Variants in PCDHGB1 observed in about 807,000 individuals in gnomAD.
PCDHGB1 encodes the protein protocadherin gamma subfamily B, 1, also known as protocadherin gamma-B1.
In PCDHGB1, 34 loss-of-function variants were observed where a neutral mutation model predicts 56.6. The ratio of observed to expected loss-of-function variants is 0.60; its 90% CI spans 0.46 to 0.80. The LOEUF (loss-of-function observed/expected upper bound fraction) is 0.80. Ranked by LOEUF, PCDHGB1 falls within the 30% of genes least tolerant of loss-of-function variation. The pLI, the probability that PCDHGB1 is intolerant of heterozygous loss-of-function variation, is 0.00. For missense variants in PCDHGB1, 1,278 were observed against 1,204.6 expected (o/e 1.06, Z -0.90); for synonymous variants, 561 against 505.9 (o/e 1.11, Z -1.46).
At chr5:141,375,010 T>G in intron 1 of PCDHGB1, 2 of 1,614,050 alleles carry the variant, frequency 1.2e-6, no homozygotes, top group Non-Finnish European at 1.7e-6. Flanking sequence ...ATCTAGACTA[T>G]GAGGACTCGA....
intron 1 of PCDHGB1, chr5:141,414,150 A>C (rs750190499): frequency 6.2e-7 from 1 of 1,600,176 alleles, no homozygotes; most frequent in African/African-American, 1.3e-5. Context: ...AAATACAAGC[A>C]GAAGATGGAG....
intron 2 of PCDHGB1, among the ~76,000 whole-genome samples, chr5:141,496,008 C>CT (rs1468405718): frequency 2.0e-5 from 3 of 151,956 alleles, no homozygotes; most frequent in Non-Finnish European, 4.4e-5. Flanking sequence ...TTTATCTTGT[C>CT]TTTTTTCTCT....
At chr5:141,357,187 G>A in intron 1 of PCDHGB1, 4 of 1,613,774 alleles carry the variant, frequency 2.5e-6, no homozygotes, top group Non-Finnish European at 3.4e-6. Context: ...ACTCACTGTG[G>A]CTGTGGCCGA....
At chr5:141,494,954 G>A in intron 2 of PCDHGB1, 89 bp downstream of exon 2, 2 of 1,601,116 alleles carry the variant, frequency 1.2e-6, no homozygotes. Context: ...CCCAGCATTT[G>A]CTACAGATGG....
At chr5:141,362,972 A>G (rs1422229452) in intron 1 of PCDHGB1, among the ~76,000 whole-genome samples, 1 of 152,258 alleles carries the variant, frequency 6.6e-6, no homozygotes, top group African/African-American at 2.4e-5. Flanking sequence ...CAAAGAAGAA[A>G]GACTTTTGCA....
At chr5:141,403,589 A>ACGGCCT in intron 1 of PCDHGB1, 2 of 1,613,812 alleles carry the variant, frequency 1.2e-6, no homozygotes, top group Non-Finnish European at 1.7e-6. Context: ...CCTGGTCCTC[A>ACGGCCT]CGGCCTCGGA....
At position 141,400,246 on chromosome 5, in the gene PCDHGB1, G is replaced by A. The variant is rs373890751; in HGVS notation, c.2409+47577G>A. On this transcript the variant is annotated intron_variant, in intron 1 of 3. Transcript: ENST00000523390. Reference sequence around the variant, plus strand: ...CTTCCTCCTGGCCGTGATTCTGGCCGTTGCCTTGCGCCTGCGACGCTCCTC... The same window carrying A: ...CTTCCTCCTGGCCGTGATTCTGGCCATTGCCTTGCGCCTGCGACGCTCCTC... 5.0e-5 allele frequency: 81 copies of A among 1,613,984 alleles called. No homozygotes were observed. The African/African-American group carries it at 6.0e-4, about 12-fold the overall frequency.
In PCDHGB1 at chr5:141,404,421, C is replaced by G. The variant is rs199749783; in HGVS notation, c.2409+51752C>G. On this transcript the variant is annotated intron_variant, in intron 1 of 3. Coordinates refer to ENST00000523390, the MANE Select transcript of PCDHGB1 (RefSeq NM_018922.3). ...AATGAGAATTCTAGAGTTATTTACT[C>G]CTTGGCAGAGGATACCATCCAAGGG... 462 of 1,613,692 alleles carry G rather than the reference C, an allele frequency of 2.9e-4. 1 individual carries two copies. The African/African-American group carries it at 5.5e-3, about 19-fold the overall frequency.
chr5:141,408,670 T>G, intron 1 of PCDHGB1: 1 of 1,614,008 alleles, frequency 6.2e-7, no homozygotes, highest in Non-Finnish European at 8.5e-7. Context: ...CGCTTGACCC[T>G]GCCACGGATC....
intron 1 of PCDHGB1, chr5:141,420,309 A>G (rs1263620304): frequency 2.7e-6 from 4 of 1,460,536 alleles, no homozygotes; most frequent in Non-Finnish European, 3.7e-6. Context: ...TCCTTTTTAT[A>G]TTACAATATG....
intron 1 of PCDHGB1, among the ~76,000 whole-genome samples, chr5:141,359,372 T>C (rs1761190910): frequency 6.6e-6 from 1 of 152,032 alleles, no homozygotes; most frequent in African/African-American, 2.4e-5. Flanking sequence ...AGGAAAGCAG[T>C]AGATAATTTA....
chr5:141,428,479 T>A (rs577865239), intron 1 of PCDHGB1: 1 of 328,682 alleles, frequency 3.0e-6, no homozygotes, highest in African/African-American at 2.1e-5. Flanking sequence ...TTTGCTTTAT[T>A]CCTGCAATCT....
intron 1 of PCDHGB1, chr5:141,357,628 C>A (rs1335077514): frequency 2.5e-6 from 4 of 1,613,256 alleles, no homozygotes; most frequent in Non-Finnish European, 2.5e-6. Context: ...TCAGGTGAGT[C>A]AATCTTATAA....
intron 1 of PCDHGB1, chr5:141,471,553 TG>T (rs1217142933): frequency 6.6e-6 from 1 of 152,224 alleles, no homozygotes; most frequent in African/African-American, 2.4e-5. Flanking sequence ...AAGGTTGCTT[TG>T]ACTCAGGGGT....
chr5:141,397,372 G>A (rs1014875277), intron 1 of PCDHGB1, among the ~76,000 whole-genome samples: 3 of 152,012 alleles, frequency 2.0e-5, no homozygotes, highest in Admixed American at 6.6e-5. Context: ...AGATGTTTGG[G>A]GATTGGTATA....
Position 141,373,957 on chromosome 5 carries a change from C to A in PCDHGB1, c.2409+21288C>A, listed in dbSNP as rs114705983. ...CAGGAAAGCTGTGCAGAAATTCTGA[C>A]CTGAAACGCTTCGCATCCGGTCTCT... On this transcript the variant is annotated intron_variant, in intron 1 of 3. Coordinates refer to ENST00000523390, the MANE Select transcript of PCDHGB1 (RefSeq NM_018922.3). 3.8e-3 allele frequency: 3,425 copies of A among 890,772 alleles called. 11 individuals carry two copies. Among genetic ancestry groups the A allele is most frequent in the Non-Finnish European group, 4.4e-3 (2,783 of 626,468 alleles). The allele number at this position is 890,772 out of a possible 1,614,324, so 55.2% of individuals were successfully genotyped here.
intron 1 of PCDHGB1, among the ~76,000 whole-genome samples, chr5:141,354,134 A>G (rs1033853247): frequency 1.3e-5 from 2 of 152,252 alleles, no homozygotes; most frequent in Non-Finnish European, 2.9e-5. Flanking sequence ...AAATTGTAAA[A>G]TAATACTGAA....
rs1386737349 is a variant in PCDHGB1 at position 141,486,423 on chromosome 5, C to T, written c.2410-8384C>T. The T allele has an allele frequency of 6.2e-7, 1 of 1,614,042 alleles. No individual in the cohort carries two copies. The highest frequency in any genetic ancestry group is 8.5e-7 in the Non-Finnish European group (1 of 1,180,030). ...ACTGCTGGACCCTTGGATCGAGAGG[C>T]CAAATCTAGCTATGACATCATGGTC... is the stretch of plus-strand genomic sequence containing the variant. On this transcript the variant is annotated intron_variant, in intron 1 of 3. Transcript: ENST00000523390. The surrounding 1 kb of genome is among the most constrained non-coding windows in gnomAD (Gnocchi z 5.0).
chr5:141,384,792 C>T lies in PCDHGB1; in HGVS notation c.2409+32123C>T, dbSNP rs374905153. ...CGGGCGAGGTGCGCACGGCTCGGGC[C>T]CTGCTGGACAGAGATGCCCTCAAGC... On this transcript the variant is annotated intron_variant, in intron 1 of 3. Transcript: ENST00000523390. The T allele has an allele frequency of 5.0e-6, 8 of 1,613,404 alleles. No homozygotes were observed. The African/African-American group carries it at 6.7e-5, about 13-fold the overall frequency.
Sources: gnomAD v4.1 joint callset for allele counts (sites outside exome capture counted in the v4.1 genomes callset) on GRCh38, gnomAD v4.1.1 for gene constraint, Gnocchi (gnomAD v3.1) non-coding constraint, MANE v1.5 for transcripts, NCBI Gene and HGNC (gene_info 2026-07-23, HGNC 2026-07-21) for gene names.